GLRA3: variants seen among roughly 807,000 people sequenced by gnomAD.
GLRA3 encodes the protein glycine receptor alpha 3.
Under a neutral mutation model 60.4 loss-of-function variants are expected in GLRA3, and 44 were observed. That is an observed-to-expected ratio of 0.73 (90% CI 0.57 to 0.94). GLRA3 has a LOEUF of 0.94. GLRA3 is among the 40% of genes least tolerant of loss of function. The pLI is 0.00. For synonymous variants in GLRA3, 223 were observed against 192.9 expected, an observed-to-expected ratio of 1.16 and a Z score of -1.29; for missense variants, 508 against 564.6, an observed-to-expected ratio of 0.90 and a Z score of 1.02.
At chr4:174,646,662 C>T (rs1732830257) in intron 9 of GLRA3, among the ~76,000 whole-genome samples, 1 of 152,206 alleles carries the variant, frequency 6.6e-6, no homozygotes, top group East Asian at 1.9e-4. Flanking sequence ...CCTATGTGTC[C>T]TGTGTGATGA....
At chr4:174,808,952 A>G (rs1740156923) in intron 1 of GLRA3, among the ~76,000 whole-genome samples, 1 of 152,180 alleles carries the variant, frequency 6.6e-6, no homozygotes, top group Non-Finnish European at 1.5e-5. Context: ...TTACCGTAAG[A>G]AAGAAAATAT....
At chr4:174,729,736 G>A (rs555690144) in intron 3 of GLRA3, among the ~76,000 whole-genome samples, 122 of 152,092 alleles carry the variant, frequency 8.0e-4, no homozygotes, top group Non-Finnish European at 1.5e-3. Flanking sequence ...CTCATTGTAA[G>A]CATGATTAAA....
intron 9 of GLRA3, among the ~76,000 whole-genome samples, chr4:174,649,969 A>G (rs1192210570): frequency 2.0e-5 from 3 of 152,132 alleles, no homozygotes; most frequent in African/African-American, 7.2e-5. Flanking sequence ...GGTCCAGATC[A>G]TTGTCAAAAG....
intron 2 of GLRA3, among the ~76,000 whole-genome samples, chr4:174,768,121 C>A: frequency 6.6e-6 from 1 of 152,084 alleles, no homozygotes; most frequent in Non-Finnish European, 1.5e-5. Flanking sequence ...AGAATACTGA[C>A]AAAGCTCTGG....
intron 1 of GLRA3, among the ~76,000 whole-genome samples, chr4:174,813,358 C>T (rs567275363): frequency 6.6e-6 from 1 of 152,262 alleles, no homozygotes; most frequent in African/African-American, 2.4e-5. Context: ...AAAATTAGTG[C>T]AGCCTTAATA....
intron 2 of GLRA3, among the ~76,000 whole-genome samples, chr4:174,777,838 G>C (rs1358333321): frequency 1.3e-5 from 2 of 152,134 alleles, no homozygotes; most frequent in African/African-American, 4.8e-5. Context: ...CAATTATTCT[G>C]TAAACCTAAA....
chr4:174,722,419 C>T (rs759621683), intron 4 of GLRA3, among the ~76,000 whole-genome samples: 4 of 152,268 alleles, frequency 2.6e-5, no homozygotes, highest in East Asian at 1.9e-4. Flanking sequence ...TTTCTGAAGT[C>T]CCAGGTGCTT....
At chr4:174,752,432 T>G (rs1424543537) in intron 3 of GLRA3, among the ~76,000 whole-genome samples, 1 of 152,112 alleles carries the variant, frequency 6.6e-6, no homozygotes, top group Admixed American at 6.5e-5. Context: ...CTTGTGCCAG[T>G]TCCGAGGCTT....
intron 3 of GLRA3, among the ~76,000 whole-genome samples, chr4:174,742,400 C>T (rs1430293554): frequency 6.6e-6 from 1 of 152,026 alleles, no homozygotes; most frequent in Non-Finnish European, 1.5e-5. Flanking sequence ...AACTCTGGTA[C>T]TAAAATTGTC....
intron 1 of GLRA3, among the ~76,000 whole-genome samples, chr4:174,796,852 G>T (rs1739591557): frequency 6.6e-6 from 1 of 151,986 alleles, no homozygotes; most frequent in Admixed American, 6.6e-5. Flanking sequence ...CTTCTGAAAG[G>T]GGTGGAGGCT....
intron 1 of GLRA3, among the ~76,000 whole-genome samples, chr4:174,817,455 T>G (rs2111387093): frequency 6.6e-6 from 1 of 152,342 alleles, no homozygotes; most frequent in Middle Eastern, 3.4e-3. Flanking sequence ...TGTGCACTTT[T>G]TGTCACTCAC....
rs1470225082 is a variant in GLRA3, at chr4:174,692,911, G to C, written c.575-9972C>G. Among the ~76,000 whole-genome samples, 3 of 149,404 alleles carry C rather than the reference G, an allele frequency of 2.0e-5. No homozygotes were observed. The East Asian group carries it at 5.9e-4, about 29-fold the overall frequency. ...CTGTGACCCTGCCAAATTCCCCTCT[G>C]CGAGAAACACCCAAAAATGATCAAT... On this transcript the variant is annotated intron_variant, in intron 5 of 9. Transcript: ENST00000274093.
chr4:174,679,303 A>G (rs1172142535), intron 6 of GLRA3, among the ~76,000 whole-genome samples: 7 of 152,162 alleles, frequency 4.6e-5, no homozygotes, highest in Admixed American at 2.0e-4. Context: ...CCTGGGTGAC[A>G]GAGCGAGACT....
chr4:174,806,561 T>A (rs556949745), intron 1 of GLRA3, among the ~76,000 whole-genome samples: 1 of 152,088 alleles, frequency 6.6e-6, no homozygotes, highest in Non-Finnish European at 1.5e-5. Context: ...TGTAAAGGCT[T>A]TATTTCCTTG....
chr4:174,775,393 A>T (rs1385838), intron 2 of GLRA3, among the ~76,000 whole-genome samples: 1 of 152,000 alleles, frequency 6.6e-6, no homozygotes, highest in Non-Finnish European at 1.5e-5. Context: ...AGAAAGAGTC[A>T]ATTTGTGATG....
chr4:174,806,439 T>C (rs978188009), intron 1 of GLRA3, among the ~76,000 whole-genome samples: 1 of 152,118 alleles, frequency 6.6e-6, no homozygotes, highest in Admixed American at 6.6e-5. Context: ...TTGTATTTCA[T>C]ATACATAAAA....
intron 1 of GLRA3, among the ~76,000 whole-genome samples, chr4:174,802,435 T>G (rs376667123): frequency 6.6e-6 from 1 of 152,070 alleles, no homozygotes; most frequent in African/African-American, 2.4e-5. Flanking sequence ...TCATCTATCA[T>G]GATTGTCCAA....
intron 4 of GLRA3, among the ~76,000 whole-genome samples, chr4:174,727,968 C>A (rs1002085228): frequency 2.0e-5 from 3 of 151,890 alleles, no homozygotes; most frequent in African/African-American, 4.8e-5. Flanking sequence ...CATCACTTTG[C>A]AGCATGTTAG....
intron 1 of GLRA3, among the ~76,000 whole-genome samples, chr4:174,794,668 G>A (rs532180045): frequency 6.6e-6 from 1 of 152,066 alleles, no homozygotes; most frequent in Non-Finnish European, 1.5e-5. Context: ...TCTTTTTGAA[G>A]GTTAAAAATT....
Sources: allele counts gnomAD v4.1 joint callset (sites outside exome capture counted in the v4.1 genomes callset), GRCh38; gene constraint gnomAD v4.1.1; transcripts MANE v1.5; gene names NCBI Gene and HGNC (gene_info 2026-07-23, HGNC 2026-07-21).